Variants in GNAQ observed in about 807,000 individuals in gnomAD.
GNAQ encodes the protein G protein subunit alpha q.
In GNAQ, 8 loss-of-function variants were observed where a neutral mutation model predicts 43.9. The ratio of observed to expected loss-of-function variants is 0.18; its 90% CI spans 0.11 to 0.33. The LOEUF (loss-of-function observed/expected upper bound fraction) is 0.33. GNAQ is among the 10% of genes least tolerant of loss of function. GNAQ has a pLI of 1.00. For missense variants in GNAQ, 158 were observed against 450.8 expected (o/e 0.35, Z 5.88); for synonymous variants, 155 against 170.7 (o/e 0.91, Z 0.71).
intron 1 of GNAQ, among the ~76,000 whole-genome samples, chr9:77,949,007 C>T (rs918492615): frequency 8.5e-5 from 13 of 152,190 alleles, no homozygotes; most frequent in African/African-American, 3.1e-4. Context: ...CCAAGAGGAT[C>T]TCACACATGC....
At chr9:77,948,913 G>A (rs1034009051) in intron 1 of GNAQ, among the ~76,000 whole-genome samples, 1 of 151,978 alleles carries the variant, frequency 6.6e-6, no homozygotes, top group African/African-American at 2.4e-5. Flanking sequence ...ACTTGGTGTC[G>A]GTTCCTCTGC....
At chr9:77,930,220 AT>A (rs2118303116) in intron 1 of GNAQ, among the ~76,000 whole-genome samples, 1 of 152,218 alleles carries the variant, frequency 6.6e-6, no homozygotes, top group Non-Finnish European at 1.5e-5. Flanking sequence ...AAAAGACTAT[AT>A]TTTTTAACCC....
chr9:77,954,705 T>C (rs1823021391), intron 1 of GNAQ, among the ~76,000 whole-genome samples: 1 of 152,214 alleles, frequency 6.6e-6, no homozygotes, highest in South Asian at 2.1e-4. Flanking sequence ...TCCTCATTTA[T>C]TAAAGACATA....
chr9:77,742,078 C>A (rs892536334), intron 5 of GNAQ, among the ~76,000 whole-genome samples: 13 of 152,116 alleles, frequency 8.5e-5, no homozygotes, highest in African/African-American at 2.4e-5. Context: ...GGCCCTGGCA[C>A]CTTTAAAAGC....
At chr9:77,796,313 T>A (rs957732263) in intron 4 of GNAQ, among the ~76,000 whole-genome samples, 1 of 152,158 alleles carries the variant, frequency 6.6e-6, no homozygotes, top group African/African-American at 2.4e-5. Flanking sequence ...CTAATCAGAA[T>A]CACTTGGCAG....
intron 1 of GNAQ, among the ~76,000 whole-genome samples, chr9:77,936,884 T>C (rs1421493813): frequency 6.6e-6 from 1 of 152,204 alleles, no homozygotes; most frequent in Non-Finnish European, 1.5e-5. Flanking sequence ...ATTAAATGAA[T>C]GACTGCTACA....
chr9:78,002,074 C>T (rs1022483888), intron 1 of GNAQ, among the ~76,000 whole-genome samples: 4 of 152,148 alleles, frequency 2.6e-5, no homozygotes, highest in Admixed American at 6.5e-5. Flanking sequence ...AACCTTGATG[C>T]CATTTTTCTG....
chr9:77,834,564 T>C (rs1389619988), intron 2 of GNAQ, among the ~76,000 whole-genome samples: 1 of 152,160 alleles, frequency 6.6e-6, no homozygotes, highest in East Asian at 1.9e-4. Flanking sequence ...TAATGTATCA[T>C]ATTCTATAAA....
At chr9:77,723,318 A>G (rs1825347782) in intron 6 of GNAQ, among the ~76,000 whole-genome samples, 1 of 152,218 alleles carries the variant, frequency 6.6e-6, no homozygotes, top group Non-Finnish European at 1.5e-5. Context: ...GCTGCTGTGA[A>G]AACAGTTTGG....
intron 5 of GNAQ, among the ~76,000 whole-genome samples, chr9:77,751,495 T>C (rs539260511): frequency 2.0e-5 from 3 of 152,304 alleles, no homozygotes; most frequent in Admixed American, 1.3e-4. Flanking sequence ...TAGTTGAGTG[T>C]ACTTCAGAAA....
intron 1 of GNAQ, among the ~76,000 whole-genome samples, chr9:77,944,693 T>C (rs1385769816): frequency 6.6e-6 from 1 of 152,166 alleles, no homozygotes; most frequent in African/African-American, 2.4e-5. Context: ...GACACTAACT[T>C]AGCTTGCCCA....
intron 2 of GNAQ, among the ~76,000 whole-genome samples, chr9:77,853,921 C>A (rs975190168): frequency 6.6e-6 from 1 of 152,020 alleles, no homozygotes; most frequent in Non-Finnish European, 1.5e-5. Flanking sequence ...TGCCTCCAGG[C>A]GAGAGGACAG....
chr9:77,832,172 T>C (rs1030900884), intron 2 of GNAQ, among the ~76,000 whole-genome samples: 1 of 151,920 alleles, frequency 6.6e-6, no homozygotes, highest in Non-Finnish European at 1.5e-5. Flanking sequence ...CACAATGTAC[T>C]GGAAATGACT....
At chr9:77,987,385 A>G (rs1277841156) in intron 1 of GNAQ, among the ~76,000 whole-genome samples, 1 of 152,192 alleles carries the variant, frequency 6.6e-6, no homozygotes, top group Non-Finnish European at 1.5e-5. Context: ...TATAATTCCC[A>G]TGTTTTGAGG....
chr9:77,939,663 G>A (rs1564157867), intron 1 of GNAQ, among the ~76,000 whole-genome samples: 1 of 152,118 alleles, frequency 6.6e-6, no homozygotes, highest in Non-Finnish European at 1.5e-5. Context: ...ATAATCAACT[G>A]GGTGAAAAAA....
chr9:77,789,506 C>G (rs182523838), intron 5 of GNAQ, among the ~76,000 whole-genome samples: 62 of 152,200 alleles, frequency 4.1e-4, no homozygotes, highest in Non-Finnish European at 7.4e-4. Flanking sequence ...AAAAAAGTAT[C>G]ATTTAAATTA....
chr9:77,975,616 T>A (rs947362426), intron 1 of GNAQ, among the ~76,000 whole-genome samples: 1 of 147,900 alleles, frequency 6.8e-6, no homozygotes. Flanking sequence ...CTCGGTTCAC[T>A]GCAACCTCCT....
chr9:77,785,768 G>T (rs1345295240), intron 5 of GNAQ, among the ~76,000 whole-genome samples: 1 of 152,048 alleles, frequency 6.6e-6, no homozygotes, highest in Admixed American at 6.5e-5. Flanking sequence ...TGTTATAAAA[G>T]ACATAATACA....
intron 4 of GNAQ, among the ~76,000 whole-genome samples, chr9:77,796,297 G>A (rs1826657529): frequency 6.6e-6 from 1 of 152,120 alleles, no homozygotes; most frequent in African/African-American, 2.4e-5. Context: ...AATGAAGGTG[G>A]GCCTGCTAAT....
Sources: gnomAD v4.1 joint callset for allele counts (sites outside exome capture counted in the v4.1 genomes callset) on GRCh38, gnomAD v4.1.1 for gene constraint, MANE v1.5 for transcripts, NCBI Gene and HGNC (gene_info 2026-07-23, HGNC 2026-07-21) for gene names.